Variants in MGST1 observed in about 807,000 individuals in gnomAD.
MGST1 encodes glutathione S-transferase 12.
Under a neutral mutation model 8.9 loss-of-function variants are expected in MGST1, and 5 were observed. The ratio of observed to expected loss-of-function variants is 0.56; its 90% CI spans 0.29 to 1.19. MGST1 has a LOEUF of 1.19. Ranked by LOEUF, MGST1 falls within the 50% of genes most tolerant of loss-of-function variation. The pLI is 0.08. For synonymous variants in MGST1, 54 were observed against 67.8 expected (o/e 0.80, Z 1.00); for missense variants, 182 against 187.4 (o/e 0.97, Z 0.17).
intron 1 of MGST1, among the ~76,000 whole-genome samples, chr12:16,350,032 C>T (rs1383055964): frequency 2.0e-5 from 3 of 152,194 alleles, no homozygotes. Context: ...GCATGAGCCA[C>T]CGCGCTCGGC....
chr12:16,401,371 C>T lies in MGST1; in HGVS notation n.778+17767C>T, dbSNP rs927237526. 8.5e-7 allele frequency: 1 copy of T among 1,175,962 alleles called. No homozygotes were observed. The highest frequency in any genetic ancestry group is 2.3e-5 in the East Asian group (1 of 42,790). 72.8% of individuals were successfully genotyped at this position (1,175,962 alleles called of 1,614,324 possible). ...GCTTTCATGGAATTCAATTCCCACC[C>T]CAAATCCTAGGTTTCTGGTAATTTT... On this transcript the variant is annotated intron_variant and non_coding_transcript_variant, in intron 1 of 1. Coordinates refer to the MGST1 transcript ENST00000359720. This position sits in a 1 kb window ranked among gnomAD's most constrained non-coding sequence, Gnocchi z 4.3.
intron 1 of MGST1, among the ~76,000 whole-genome samples, chr12:16,384,713 C>T (rs557600867): frequency 6.6e-5 from 10 of 152,368 alleles, no homozygotes; most frequent in East Asian, 1.9e-4. Context: ...ATCCCAATCA[C>T]AGGGCACCTA....
chr12:16,432,950 A>G (rs1940952429), intron 1 of MGST1, among the ~76,000 whole-genome samples: 1 of 152,044 alleles, frequency 6.6e-6, no homozygotes, highest in African/African-American at 2.4e-5. Context: ...CTGGAAACCA[A>G]TAGTGTGTGT....
In MGST1 at chr12:16,413,996, CTG is replaced by C. The variant is rs1404299116; in HGVS notation, n.779-23390_779-23389del. On this transcript the variant is annotated intron_variant and non_coding_transcript_variant, in intron 1 of 1. Coordinates refer to the MGST1 transcript ENST00000359720. This position sits in a 1 kb window ranked among gnomAD's most constrained non-coding sequence, Gnocchi z 4.0. ...AGAATAAATATAAGTTTTGTAGAAA[CTG>C]TAGAATCAACAACTAAGTATTATGA... Among the ~76,000 whole-genome samples, 1 of 151,960 alleles carries C rather than the reference CTG, an allele frequency of 6.6e-6. No homozygotes were observed. The highest frequency in any genetic ancestry group is 1.5e-5 in the Non-Finnish European group (1 of 68,012).
intron 4 of MGST1, among the ~76,000 whole-genome samples, chr12:16,526,598 A>G (rs1784459136): frequency 1.3e-5 from 2 of 152,060 alleles, no homozygotes; most frequent in Non-Finnish European, 2.9e-5. Flanking sequence ...TAGAAGGTAC[A>G]AACATGATTT....
At chr12:16,566,190 A>C (rs768866510) in intron 4 of MGST1, among the ~76,000 whole-genome samples, 5 of 151,170 alleles carry the variant, frequency 3.3e-5, no homozygotes, top group African/African-American at 4.9e-5. Context: ...GCTAAAATAA[A>C]AAGTCGACAT....
At chr12:16,447,381 C>T (rs1941088711) in intron 4 of MGST1, among the ~76,000 whole-genome samples, 1 of 151,880 alleles carries the variant, frequency 6.6e-6, no homozygotes, top group South Asian at 2.1e-4. Context: ...AAAGTTTGGG[C>T]CTGGCATTTA....
chr12:16,433,722 C>T (rs562473030), intron 1 of MGST1, among the ~76,000 whole-genome samples: 3 of 152,204 alleles, frequency 2.0e-5, no homozygotes, highest in African/African-American at 7.2e-5. Flanking sequence ...CATCCTATGG[C>T]TCCTTAAGTT....
intron 4 of MGST1, among the ~76,000 whole-genome samples, chr12:16,535,448 C>G (rs76752979): frequency 0.017 from 2,605 of 152,256 alleles, 75 homozygotes; most frequent in African/African-American, 0.06. Context: ...TAGAAGATAA[C>G]TCACAATTGT....
chr12:16,394,106 G>C (rs1408624120), intron 1 of MGST1, among the ~76,000 whole-genome samples: 2 of 152,182 alleles, frequency 1.3e-5, no homozygotes, highest in Non-Finnish European at 2.9e-5. Flanking sequence ...TTTCCAAAGT[G>C]ATGGCATTAA....
At chr12:16,398,973 G>A (rs1269862438) in intron 1 of MGST1, among the ~76,000 whole-genome samples, 1 of 152,070 alleles carries the variant, frequency 6.6e-6, no homozygotes, top group Non-Finnish European at 1.5e-5. Flanking sequence ...AGAAGCCATC[G>A]ATGTCCTGGC....
intron 4 of MGST1, among the ~76,000 whole-genome samples, chr12:16,538,903 C>T (rs183255902): frequency 9.9e-4 from 151 of 152,050 alleles, no homozygotes; most frequent in African/African-American, 3.2e-3. Flanking sequence ...CCACTGCACC[C>T]GGCCGAAAGG....
intron 1 of MGST1, chr12:16,399,548 GTCC>G (rs755617206): frequency 6.4e-7 from 1 of 1,560,508 alleles, no homozygotes; most frequent in Non-Finnish European, 8.8e-7. Flanking sequence ...CTTCATCACT[GTCC>G]TCCTCTTCCT....
At chr12:16,534,465 A>G (rs1941742336) in intron 4 of MGST1, among the ~76,000 whole-genome samples, 1 of 152,144 alleles carries the variant, frequency 6.6e-6, no homozygotes, top group Non-Finnish European at 1.5e-5. Flanking sequence ...CTTTTCATTT[A>G]TCTTTTTATT....
At chr12:16,493,198 G>A (rs142414181) in intron 4 of MGST1, among the ~76,000 whole-genome samples, 68 of 152,324 alleles carry the variant, frequency 4.5e-4, no homozygotes, top group African/African-American at 1.6e-3. Context: ...GGAAGACAGA[G>A]TCCTCATTAC....
At position 16,404,629 on chromosome 12, in the gene MGST1, T is replaced by G. The variant is rs75221056; in HGVS notation, n.778+21025T>G. Among the ~76,000 whole-genome samples the G allele has an allele frequency of 6.9e-3, 1,056 of 152,292 alleles. 20 individuals are homozygous for G. The highest frequency in any genetic ancestry group is 0.025 in the African/African-American group (1,019 of 41,574). ...CAAATTTAGCCAATATTTTTAACCT[T>G]CTCTGGGACATTTCAAGGACCATAG... On this transcript the variant is annotated intron_variant and non_coding_transcript_variant, in intron 1 of 1. Coordinates refer to the MGST1 transcript ENST00000359720.
At chr12:16,487,175 A>G (rs1364870594) in intron 4 of MGST1, among the ~76,000 whole-genome samples, 1 of 152,148 alleles carries the variant, frequency 6.6e-6, no homozygotes, top group Non-Finnish European at 1.5e-5. Context: ...GCTTTTCCAG[A>G]ATAACATTTG....
chr12:16,493,689 T>A (rs1405478105), intron 4 of MGST1, among the ~76,000 whole-genome samples: 2 of 152,134 alleles, frequency 1.3e-5, no homozygotes, highest in African/African-American at 2.4e-5. Flanking sequence ...CTCAGGAGAC[T>A]CCAGGAGTAT....
intron 1 of MGST1, among the ~76,000 whole-genome samples, chr12:16,409,914 A>C (rs1940729253): frequency 6.6e-6 from 1 of 152,144 alleles, no homozygotes. Context: ...ATATTGAGCC[A>C]CTCAGATAAC....
Sources: gnomAD v4.1 joint callset for allele counts (sites outside exome capture counted in the v4.1 genomes callset) on GRCh38, gnomAD v4.1.1 for gene constraint, Gnocchi (gnomAD v3.1) non-coding constraint, MANE v1.5 for transcripts, NCBI Gene and HGNC (gene_info 2026-07-23, HGNC 2026-07-21) for gene names.